The following CSPP1 variants were observed in gnomAD, a reference collection of about 807,000 sequenced individuals.
CSPP1 encodes centrosome and spindle pole associated protein 1.
A neutral mutation model predicts 164.4 loss-of-function variants in CSPP1; 126 were observed. The observed-to-expected ratio is 0.77, with a 90% CI of 0.66 to 0.89. The LOEUF (loss-of-function observed/expected upper bound fraction) is 0.89. CSPP1 is among the 40% of genes least tolerant of loss of function. The pLI is 0.00. For synonymous variants in CSPP1, 472 were observed against 476.7 expected (o/e 0.99, Z 0.13); for missense variants, 1,395 against 1,449.8 (o/e 0.96, Z 0.61).
chr8:67,185,287 C>T (rs1834269956), intron 28 of CSPP1, among the ~76,000 whole-genome samples: 1 of 152,102 alleles, frequency 6.6e-6, no homozygotes, highest in African/African-American at 2.4e-5. Flanking sequence ...CCCTGAGGCC[C>T]CAGAACTATC....
chr8:67,163,099 G>A (rs1207954365), intron 22 of CSPP1, among the ~76,000 whole-genome samples: 1 of 152,208 alleles, frequency 6.6e-6, no homozygotes, highest in African/African-American at 2.4e-5. Flanking sequence ...AGTGACGGCA[G>A]TTGCGACTGG....
intron 24 of CSPP1, among the ~76,000 whole-genome samples, chr8:67,167,462 G>A (rs1385705900): frequency 6.6e-6 from 1 of 152,044 alleles, no homozygotes; most frequent in Non-Finnish European, 1.5e-5. Flanking sequence ...CTCCCGGATG[G>A]GGCGGCTGCT....
chr8:67,103,107 A>G lies in CSPP1; in HGVS notation c.994A>G (p.Ile332Val), dbSNP rs1479905045. 1.9e-6 allele frequency: 3 copies of G among 1,606,008 alleles called. No individual in the cohort carries two copies. The highest frequency in any genetic ancestry group is 1.7e-5 in the Admixed American group (1 of 59,978). ...TGGGGATGTTATAGAACAGTCAAAC[A>G]TAAGAATTTCATCTGCTGAAAATAA... ...HDGDVIEQSN[I>V]RISSAENKSA... Residue 332 changes from isoleucine to valine, a missense_variant, in exon 8 of 31, where the codon ATA (isoleucine) becomes GTA (valine). By Grantham distance (29) the Ile-to-Val change is conservative. Transcript: ENST00000678616.
At chr8:67,095,265 G>A in intron 6 of CSPP1, 28 bp from the exon 7 acceptor site, 1 of 1,450,678 alleles carries the variant, frequency 6.9e-7, no homozygotes, top group South Asian at 1.4e-5. Context: ...GTCAAGTTTT[G>A]TTTCTTTTTT....
At position 67,173,214 on chromosome 8, in the gene CSPP1, C is replaced by T. The variant is rs141463133; in HGVS notation, c.2968+659C>T. 2.4e-3 allele frequency among the ~76,000 whole-genome samples: 362 copies of T among 152,174 alleles called. 2 individuals are homozygous for T. The highest frequency in any genetic ancestry group is 3.9e-3 in the Non-Finnish European group (265 of 68,008). The stretch of plus-strand genomic sequence containing the variant: ...AGGAGCTATGCAGGAGAAAGAGGTT[C>T]AGGCTCTAGGAGAGGGAGAGTGATT... On this transcript the variant is annotated intron_variant, in intron 25 of 30. Coordinates refer to ENST00000678616, the MANE Select transcript of CSPP1 (RefSeq NM_001382391.1).
At chr8:67,188,156 C>A (rs1835203141) in intron 28 of CSPP1, among the ~76,000 whole-genome samples, 1 of 152,126 alleles carries the variant, frequency 6.6e-6, no homozygotes, top group Non-Finnish European at 1.5e-5. Context: ...GACTGTTATC[C>A]AAAATACACA....
chr8:67,082,626 A>G (rs1189791707), intron 3 of CSPP1, among the ~76,000 whole-genome samples: 1 of 152,206 alleles, frequency 6.6e-6, no homozygotes, highest in Non-Finnish European at 1.5e-5. Context: ...AATGAAAAGA[A>G]AGTAAATGTT....
chr8:67,164,302 C>T (rs1027397674), intron 23 of CSPP1, 89 bp from the exon 24 acceptor site: 1 of 669,162 alleles, frequency 1.5e-6, no homozygotes, highest in Admixed American at 2.4e-5. Context: ...TGAGCAGTTT[C>T]ACTTTATTAT....
Position 67,195,443 on chromosome 8 carries a change from A to G in CSPP1, c.3531A>G (p.Ser1177=). 1 of 1,614,226 alleles carries G rather than the reference A, an allele frequency of 6.2e-7. No individual in the cohort carries two copies. Among genetic ancestry groups the G allele is most frequent in the Non-Finnish European group, 8.5e-7 (1 of 1,180,036 alleles). ...DIMKHIGDDG[S]NSVATEPWLR... ...TGAAACACATAGGGGATGACGGATCAAACTCTGTAGCAACTGAGCCCTGGC... is the reference window on the plus strand; with the variant it reads ...TGAAACACATAGGGGATGACGGATCGAACTCTGTAGCAACTGAGCCCTGGC... Residue 1177 remains serine, a synonymous_variant, in exon 31 of 31, where the codon TCA becomes TCG. Transcript: ENST00000678616.
chr8:67,127,335 T>C (rs1305061203), intron 15 of CSPP1, among the ~76,000 whole-genome samples: 1 of 152,166 alleles, frequency 6.6e-6, no homozygotes, highest in Non-Finnish European at 1.5e-5. Context: ...TGGTTCCTAG[T>C]GAGGGCCCTT....
At chr8:67,073,533 C>A (rs1487560318) in intron 1 of CSPP1, among the ~76,000 whole-genome samples, 8 of 151,940 alleles carry the variant, frequency 5.3e-5, no homozygotes, top group African/African-American at 1.9e-4. Context: ...TAGATGGGAT[C>A]CCGAATTAGA....
At chr8:67,170,145 A>T (rs1230860147) in intron 24 of CSPP1, among the ~76,000 whole-genome samples, 1 of 152,018 alleles carries the variant, frequency 6.6e-6, no homozygotes, top group Non-Finnish European at 1.5e-5. Context: ...TTAACAGTAT[A>T]GCATTTATCT....
At chr8:67,138,646 T>G (rs1012266493) in intron 17 of CSPP1, among the ~76,000 whole-genome samples, 2 of 152,186 alleles carry the variant, frequency 1.3e-5, no homozygotes, top group Non-Finnish European at 2.9e-5. Context: ...TTAGGTGTTA[T>G]GTATTGTAGG....
At chr8:67,176,940 G>A (rs546494687) in intron 26 of CSPP1, among the ~76,000 whole-genome samples, 6 of 152,040 alleles carry the variant, frequency 3.9e-5, no homozygotes, top group African/African-American at 1.4e-4. Context: ...GCATGGAGGC[G>A]TGTGCCTGTA....
In CSPP1 at chr8:67,154,793, G is replaced by A. The variant is rs1415868842; in HGVS notation, c.2241+657G>A. 2.6e-5 allele frequency among the ~76,000 whole-genome samples: 4 copies of A among 152,194 alleles called. No individual in the cohort carries two copies. In the East Asian group the frequency reaches 7.7e-4, roughly 29 times the overall value. On this transcript the variant is annotated intron_variant, in intron 19 of 30. Coordinates refer to ENST00000678616, the MANE Select transcript of CSPP1 (RefSeq NM_001382391.1). ...TGGGATTACAGGTGTAAGCCACCAC[G>A]CCCAGCCTAAGTCATTAATTTTAAA...
chr8:67,140,111 G>GA (rs1563660454), intron 17 of CSPP1, among the ~76,000 whole-genome samples: 2 of 151,970 alleles, frequency 1.3e-5, no homozygotes, highest in Admixed American at 6.6e-5. Flanking sequence ...TCGAGACAGA[G>GA]TTTCACTCTG....
chr8:67,175,483 T>C, intron 26 of CSPP1, 47 bp downstream of exon 26: 1 of 1,605,456 alleles, frequency 6.2e-7, no homozygotes. Flanking sequence ...CACGCTGTTT[T>C]TCCGTAGGCT....
intron 17 of CSPP1, among the ~76,000 whole-genome samples, chr8:67,141,928 C>G (rs1823596194): frequency 6.6e-6 from 1 of 152,192 alleles, no homozygotes; most frequent in South Asian, 2.1e-4. Context: ...AACTTTAATT[C>G]TGCTGCTGAC....
Position 67,160,031 on chromosome 8 carries a change from CTT to C in CSPP1, c.2538+898_2538+899del, listed in dbSNP as rs555181016. On this transcript the variant is annotated intron_variant, in intron 21 of 30. Coordinates refer to ENST00000678616, the MANE Select transcript of CSPP1 (RefSeq NM_001382391.1). Reference sequence around the variant, plus strand: ...CTTTTCTTTTCTTTTCTTTTCTTTTCTTTTTCTTTTTCTTTTTCTTTCTTTTT... The same window carrying C: ...CTTTTCTTTTCTTTTCTTTTCTTTTCTTTCTTTTTCTTTTTCTTTCTTTTT... Among the ~76,000 whole-genome samples, 275 of 53,980 alleles carry C rather than the reference CTT, an allele frequency of 5.1e-3. 26 individuals carry two copies. The highest frequency in any genetic ancestry group is 0.016 in the African/African-American group (149 of 9,238). 35.4% of individuals were successfully genotyped at this position (53,980 alleles called of 152,430 possible). A position where few individuals can be genotyped will look rare whatever the true frequency, so the allele number is the denominator to read the frequency against.
Sources: gnomAD v4.1 joint callset for allele counts (sites outside exome capture counted in the v4.1 genomes callset) on GRCh38, gnomAD v4.1.1 for gene constraint, MANE v1.5 for transcripts, NCBI Gene and HGNC (gene_info 2026-07-23, HGNC 2026-07-21) for gene names.